Variants in EGR3 observed in about 807,000 individuals in gnomAD.
EGR3 encodes the protein early growth response protein 3.
Under a neutral mutation model 22.4 loss-of-function variants are expected in EGR3, and 4 were observed. The ratio of observed to expected loss-of-function variants is 0.18; its 90% CI spans 0.09 to 0.41. EGR3 has a LOEUF of 0.41. Ranked by LOEUF, EGR3 falls within the 10% of genes least tolerant of loss-of-function variation. The pLI is 1.00. For missense variants in EGR3, 315 were observed against 541.3 expected (o/e 0.58, Z 4.15); for synonymous variants, 219 against 226.8 (o/e 0.97, Z 0.31).
intron 1 of EGR3, chr8:22,691,896 G>A (rs1481708372): frequency 8.2e-6 from 10 of 1,224,212 alleles, no homozygotes; most frequent in East Asian, 3.6e-5. Context: ...GGCCCTGTCC[G>A]CTCCAGGACG....
chr8:22,692,246 C>G lies in EGR3; in HGVS notation c.154+545G>C. 1 of 1,476,516 alleles carries G rather than the reference C, an allele frequency of 6.8e-7. No homozygotes were observed. The highest frequency in any genetic ancestry group is 8.9e-7 in the Non-Finnish European group (1 of 1,120,066). The allele number at this position is 1,476,516 out of a possible 1,614,324, so 91.5% of individuals were successfully genotyped here. ...GGGTGAACCCCCTCCTTCTCCCCGC[C>G]GTCCCCACACCCCCACGGCTTTGCT... On this transcript the variant is annotated intron_variant, in intron 1 of 1. Coordinates refer to ENST00000317216, the MANE Select transcript of EGR3 (RefSeq NM_004430.3). This position sits in a 1 kb window ranked among gnomAD's most constrained non-coding sequence, Gnocchi z 6.2.
Position 22,692,487 on chromosome 8 carries a change from GC to G in EGR3, c.154+303del. On this transcript the variant is annotated intron_variant, in intron 1 of 1. Transcript: ENST00000317216. This position sits in a 1 kb window ranked among gnomAD's most constrained non-coding sequence, Gnocchi z 6.2. ...CGTGGTGAGGGAGAACCCCAGAGCC[GC>G]TCGCACCTACCTCCCTCCGGTCGGC... 1 of 1,427,938 alleles carries G rather than the reference GC, an allele frequency of 7.0e-7. No homozygotes were observed. Among genetic ancestry groups the G allele is most frequent in the Non-Finnish European group, 9.1e-7 (1 of 1,095,416 alleles). 88.5% of individuals were successfully genotyped at this position (1,427,938 alleles called of 1,614,324 possible).
At position 22,690,408 on chromosome 8, in the gene EGR3, G is replaced by T. The variant is rs1320315385; in HGVS notation, c.*65C>A. ...CTACGCCTCCGTGGCTGGCTTTCCC[G>T]CTGCTTTCAGGCTAGCAGCCGGGAG... On this transcript the variant is annotated 3_prime_UTR_variant, in exon 2 of 2. Transcript: ENST00000317216. The T allele has an allele frequency of 3.6e-6, 5 of 1,385,052 alleles. No homozygotes were observed. The African/African-American group carries it at 7.2e-5, about 20-fold the overall frequency. The allele number at this position is 1,385,052 out of a possible 1,614,324, so 85.8% of individuals were successfully genotyped here. A position where few individuals can be genotyped will look rare whatever the true frequency, so the allele number is the denominator to read the frequency against.
Position 22,690,498 on chromosome 8 carries a change from G to A in EGR3, c.1139C>T (p.Ala380Val). Reference protein sequence around the residue: ...SASSAPPVSLAPVVTTCA With the variant: ...SASSAPPVSLVPVVTTCA ...TCAGGCGCAGGTGGTGACCACGGGG[G>A]CCAGCGACACGGGGGGCGCCGAGGA... Residue 380 changes from alanine (A) to valine (V), a missense_variant, in exon 2 of 2, where the codon GCC becomes GTC. Physicochemically the swap from Ala to Val is moderately conservative, Grantham distance 64. Transcript: ENST00000317216. The A allele has an allele frequency of 8.1e-6, 13 of 1,608,254 alleles. No individual in the cohort carries two copies. Among genetic ancestry groups the A allele is most frequent in the Non-Finnish European group, 1.1e-5 (13 of 1,176,922 alleles).
Position 22,692,957 on chromosome 8 carries a change from C to A in EGR3, c.-13G>T, listed in dbSNP as rs1226620910. On this transcript the variant is annotated 5_prime_UTR_variant, in exon 1 of 2. Transcript: ENST00000317216. The surrounding 1 kb of genome is among the most constrained non-coding windows in gnomAD (Gnocchi z 6.2). ...GTTTGCCGGTCATAGCACTCCCGAG[C>A]TGCCGCCGCCGCCGCCACCGCCGCC... The A allele has an allele frequency of 6.9e-6, 11 of 1,602,720 alleles. No homozygotes were observed. Among genetic ancestry groups the A allele is most frequent in the Non-Finnish European group, 9.3e-6 (11 of 1,176,850 alleles).
rs1271665574 is a variant in EGR3 at position 22,693,390 on chromosome 8, CGCCGCCGCCTCT to C, written c.-458_-447del. 5.5e-4 allele frequency: 94 copies of C among 171,548 alleles called. No homozygotes were observed. Among genetic ancestry groups the C allele is most frequent in the Non-Finnish European group, 9.7e-4 (81 of 83,838 alleles). 10.6% of individuals were successfully genotyped at this position (171,548 alleles called of 1,614,324 possible). A position where few individuals can be genotyped will look rare whatever the true frequency, so the allele number is the denominator to read the frequency against. On this transcript the variant is annotated 5_prime_UTR_variant, in exon 1 of 2. Coordinates refer to ENST00000317216, the MANE Select transcript of EGR3 (RefSeq NM_004430.3). ...CCACCGCCGCCGCCGCCGCCGCCGC[CGCCGCCGCCTCT>C]GCCGCCGCTGCCGCCGCTGCTACCA...
chr8:22,692,538 AAGCC>A lies in EGR3; in HGVS notation c.154+249_154+252del. ...CGGCTGCCCCCACCCGGGAGAACCG[AAGCC>A]TCTACCGTGGCGTCGCCAACCTAGC... On this transcript the variant is annotated intron_variant, in intron 1 of 1. Coordinates refer to ENST00000317216, the MANE Select transcript of EGR3 (RefSeq NM_004430.3). This position sits in a 1 kb window ranked among gnomAD's most constrained non-coding sequence, Gnocchi z 6.2. 1 of 1,426,168 alleles carries A rather than the reference AAGCC, an allele frequency of 7.0e-7. No homozygotes were observed. Among genetic ancestry groups the A allele is most frequent in the East Asian group, 2.5e-5 (1 of 39,422 alleles). 88.3% of individuals were successfully genotyped at this position (1,426,168 alleles called of 1,614,324 possible). A position where few individuals can be genotyped will look rare whatever the true frequency, so the allele number is the denominator to read the frequency against.
rs1384447856 is a variant in EGR3 at position 22,692,439 on chromosome 8, T to G, written c.154+352A>C. 2.1e-6 allele frequency: 3 copies of G among 1,423,034 alleles called. No individual in the cohort carries two copies. The African/African-American group carries it at 4.4e-5, about 21-fold the overall frequency. 88.2% of individuals were successfully genotyped at this position (1,423,034 alleles called of 1,614,324 possible). On this transcript the variant is annotated intron_variant, in intron 1 of 1. Transcript: ENST00000317216. The surrounding 1 kb of genome is among the most constrained non-coding windows in gnomAD (Gnocchi z 6.2). ...GGGCGACAGCACCACGCCTTGCGCGTAGCCCGGCGATCGGGCCCCCTGCGT... is the reference window on the plus strand; with the variant it reads ...GGGCGACAGCACCACGCCTTGCGCGGAGCCCGGCGATCGGGCCCCCTGCGT...
chr8:22,690,072 G>A lies in EGR3; in HGVS notation c.*401C>T, dbSNP rs1010669170. The stretch of plus-strand genomic sequence containing the variant: ...CCCCTCCCCCTCTCGAGTCTTCGAG[G>A]GGGTATAGAGGGAGACGTGGGGGAA... On this transcript the variant is annotated 3_prime_UTR_variant, in exon 2 of 2. Transcript: ENST00000317216. 2 of 218,914 alleles carry A rather than the reference G, an allele frequency of 9.1e-6. No individual in the cohort carries two copies. Among genetic ancestry groups the A allele is most frequent in the Non-Finnish European group, 1.8e-5 (2 of 111,086 alleles). 13.6% of individuals were successfully genotyped at this position (218,914 alleles called of 1,614,324 possible). A position where few individuals can be genotyped will look rare whatever the true frequency, so the allele number is the denominator to read the frequency against.
chr8:22,690,611 A>G lies in EGR3; in HGVS notation c.1026T>C (p.Phe342=). The G allele has an allele frequency of 6.2e-7, 1 of 1,613,918 alleles. No homozygotes were observed. The highest frequency in any genetic ancestry group is 8.5e-7 in the Non-Finnish European group (1 of 1,179,982). The stretch of plus-strand genomic sequence containing the variant: ...GGCGCTTGCGCTCGTCGCTGCGCGC[A>G]AACTTGCGCCCGCAGAACTCGCAGG... The part of the protein sequence containing the change: ...PFACEFCGRK[F]ARSDERKRHA... Residue 342 remains phenylalanine, a synonymous_variant, in exon 2 of 2, where the codon TTT becomes TTC. Coordinates refer to ENST00000317216, the MANE Select transcript of EGR3 (RefSeq NM_004430.3).
chr8:22,691,776 G>C (rs113730202), intron 1 of EGR3: 198 of 985,408 alleles, frequency 2.0e-4, no homozygotes, highest in Non-Finnish European at 2.3e-4. Flanking sequence ...GAGAAGCATT[G>C]TTGTTCTTCC....
Position 22,692,184 on chromosome 8 carries a change from C to T in EGR3, c.154+607G>A, listed in dbSNP as rs35201266. ...AGGCCGCCCTTCCCCAGCTCCCCGG[C>T]CCCGGGATCGTTCCCCGTGGCAGGC... is the stretch of plus-strand genomic sequence containing the variant. On this transcript the variant is annotated intron_variant, in intron 1 of 1. Coordinates refer to ENST00000317216, the MANE Select transcript of EGR3 (RefSeq NM_004430.3). This position sits in a 1 kb window ranked among gnomAD's most constrained non-coding sequence, Gnocchi z 6.2. The T allele has an allele frequency of 0.28, 392,847 of 1,387,582 alleles. 57,221 individuals are homozygous for T. Among genetic ancestry groups the T allele is most frequent in the Admixed American group, 0.46 (13,785 of 30,144 alleles). The allele number at this position is 1,387,582 out of a possible 1,614,324, so 86.0% of individuals were successfully genotyped here.
At position 22,692,513 on chromosome 8, in the gene EGR3, C is replaced by T; in HGVS notation, c.154+278G>A. ...CTCGCACCTACCTCCCTCCGGTCGG[C>T]GGCTGCCCCCACCCGGGAGAACCGA... On this transcript the variant is annotated intron_variant, in intron 1 of 1. Coordinates refer to ENST00000317216, the MANE Select transcript of EGR3 (RefSeq NM_004430.3). This position sits in a 1 kb window ranked among gnomAD's most constrained non-coding sequence, Gnocchi z 6.2. 1 of 1,407,054 alleles carries T rather than the reference C, an allele frequency of 7.1e-7. No individual in the cohort carries two copies. Among genetic ancestry groups the T allele is most frequent in the Non-Finnish European group, 9.2e-7 (1 of 1,083,724 alleles). 87.2% of individuals were successfully genotyped at this position (1,407,054 alleles called of 1,614,324 possible).
chr8:22,691,080 T>C lies in EGR3; in HGVS notation c.557A>G (p.Asn186Ser). The C allele has an allele frequency of 6.2e-7, 1 of 1,613,256 alleles. No individual in the cohort carries two copies. The highest frequency in any genetic ancestry group is 8.5e-7 in the Non-Finnish European group (1 of 1,179,384). Residue 186 changes from asparagine to serine, a missense_variant, in exon 2 of 2, where the codon AAT (asparagine) becomes AGT (serine). By Grantham distance (46) the Asn-to-Ser change is conservative. This residue lies in a region of EGR3 where 227 missense variants were observed against 303.6 expected (regional missense o/e 0.75). Coordinates refer to ENST00000317216, the MANE Select transcript of EGR3 (RefSeq NM_004430.3). Reference protein sequence around the residue: ...YQSAKPALDSNLFPMIPDYNL... With the variant: ...YQSAKPALDSSLFPMIPDYNL... ...GTAGTCAGGAATCATGGGGAAGAGA[T>C]TGCTGTCCAACGCCGGCTTGGCCGA...
chr8:22,691,849 C>G (rs1023529261), intron 1 of EGR3: 3 of 985,268 alleles, frequency 3.0e-6, no homozygotes, highest in African/African-American at 3.5e-5. Context: ...GCGCTGGGCT[C>G]TCGCTCTCCA....
At position 22,692,340 on chromosome 8, in the gene EGR3, A is replaced by C; in HGVS notation, c.154+451T>G. 3 of 1,506,990 alleles carry C rather than the reference A, an allele frequency of 2.0e-6. No homozygotes were observed. Among genetic ancestry groups the C allele is most frequent in the South Asian group, 2.5e-5 (2 of 80,476 alleles). 93.4% of individuals were successfully genotyped at this position (1,506,990 alleles called of 1,614,324 possible). Reference sequence around the variant, plus strand: ...GGGACTCCACGCCGCACATGGCTCCATCCCGGGTGGGAGGCTGAGGGAGTA... The same window carrying C: ...GGGACTCCACGCCGCACATGGCTCCCTCCCGGGTGGGAGGCTGAGGGAGTA... On this transcript the variant is annotated intron_variant, in intron 1 of 1. Transcript: ENST00000317216. The surrounding 1 kb of genome is among the most constrained non-coding windows in gnomAD (Gnocchi z 6.2).
rs140843191 is a variant in EGR3, at chr8:22,690,710, G to T, written c.927C>A (p.Ile309=). The T allele has an allele frequency of 5.0e-6, 8 of 1,614,060 alleles. No individual in the cohort carries two copies. In the African/African-American group the frequency reaches 1.1e-4, roughly 22 times the overall value. Residue 309 remains isoleucine (I), a synonymous_variant, in exon 2 of 2, where the codon ATC becomes ATA. Coordinates refer to ENST00000317216, the MANE Select transcript of EGR3 (RefSeq NM_004430.3). ...HTGHKPFQCR[I]CMRSFSRSDH... ...CGCTGCGGCTGAAGCTCCGCATGCA[G>T]ATCCGGCACTGGAAGGGCTTGTGGC... is the stretch of plus-strand genomic sequence containing the variant.
At position 22,692,953 on chromosome 8, in the gene EGR3, C is replaced by A; in HGVS notation, c.-9G>T. The A allele has an allele frequency of 1.9e-6, 3 of 1,604,986 alleles. No homozygotes were observed. In the African/African-American group the frequency reaches 4.0e-5, roughly 22 times the overall value. ...GCGAGTTTGCCGGTCATAGCACTCC[C>A]GAGCTGCCGCCGCCGCCGCCACCGC... is the stretch of plus-strand genomic sequence containing the variant. On this transcript the variant is annotated 5_prime_UTR_variant, in exon 1 of 2. Transcript: ENST00000317216. This position sits in a 1 kb window ranked among gnomAD's most constrained non-coding sequence, Gnocchi z 6.2.
In EGR3 at chr8:22,690,877, T is replaced by C; in HGVS notation, c.760A>G (p.Lys254Glu). ...GGGTACTTGCGGGGCCGGATGGGCTTGAGGGTGAGCGGCGGCTGGGGCAGG... is the reference window on the plus strand; with the variant it reads ...GGGTACTTGCGGGGCCGGATGGGCTCGAGGGTGAGCGGCGGCTGGGGCAGG... ...GSLPQPPLTL[K>E]PIRPRKYPNR... Residue 254 changes from lysine (K) to glutamate (E), a missense_variant, in exon 2 of 2, where the codon AAG (lysine) becomes GAG (glutamate). By Grantham distance (56) the Lys-to-Glu change is moderately conservative. This residue lies in a region of EGR3 where 34 missense variants were observed against 81.9 expected (regional missense o/e 0.42). Transcript: ENST00000317216. The C allele has an allele frequency of 6.3e-7, 1 of 1,591,816 alleles. No homozygotes were observed. The highest frequency in any genetic ancestry group is 8.6e-7 in the Non-Finnish European group (1 of 1,166,664).
Sources: allele counts gnomAD v4.1 joint callset, GRCh38; gene constraint gnomAD v4.1.1; regional missense constraint gnomAD v4.1.1; non-coding constraint Gnocchi (gnomAD v3.1); transcripts MANE v1.5; gene names NCBI Gene and HGNC (gene_info 2026-07-23, HGNC 2026-07-21).